The following CLHC1 variants were observed in gnomAD, a reference collection of about 807,000 sequenced individuals.
CLHC1 encodes clathrin heavy chain linker domain containing 1.
Under a neutral mutation model 69.5 loss-of-function variants are expected in CLHC1, and 72 were observed. The ratio of observed to expected loss-of-function variants is 1.04; its 90% CI spans 0.86 to 1.26. The LOEUF is 1.26. CLHC1 is among the 50% of genes most tolerant of loss of function. CLHC1 has a pLI of 0.00. For missense variants in CLHC1, 790 were observed against 679.3 expected, an observed-to-expected ratio of 1.16 and a Z score of -1.81; for synonymous variants, 223 against 224.3, an observed-to-expected ratio of 0.99 and a Z score of 0.05.
intron 1 of CLHC1, among the ~76,000 whole-genome samples, chr2:55,230,217 A>G (rs949300850): frequency 2.0e-5 from 3 of 152,252 alleles, no homozygotes; most frequent in Non-Finnish European, 2.9e-5. Flanking sequence ...GGTGCTAACA[A>G]TGGAGGTGGT....
At chr2:55,180,394 G>A (rs878870870) in intron 11 of CLHC1, 116 bp downstream of exon 11, 2 of 664,760 alleles carry the variant, frequency 3.0e-6, no homozygotes, top group South Asian at 2.0e-5. Flanking sequence ...CTACTTATTG[G>A]TATATATAAA....
intron 9 of CLHC1, among the ~76,000 whole-genome samples, chr2:55,196,586 C>T (rs1671439682): frequency 1.3e-5 from 2 of 152,220 alleles, no homozygotes; most frequent in Admixed American, 6.5e-5. Flanking sequence ...TAGACACACA[C>T]TTGTCAGAAG....
intron 4 of CLHC1, 103 bp downstream of exon 4, chr2:55,217,708 T>G: frequency 1.6e-6 from 1 of 629,790 alleles, no homozygotes; most frequent in Non-Finnish European, 2.5e-6. Flanking sequence ...TAAATAAAAT[T>G]GAAATTCAAT....
chr2:55,183,827 C>A (rs374450297), intron 9 of CLHC1, among the ~76,000 whole-genome samples: 61 of 152,312 alleles, frequency 4.0e-4, no homozygotes, highest in African/African-American at 1.4e-3. Context: ...CGTCGCCAGG[C>A]TGGAGTGCAA....
chr2:55,223,413 T>G (rs936259813), intron 2 of CLHC1, among the ~76,000 whole-genome samples: 1 of 152,134 alleles, frequency 6.6e-6, no homozygotes, highest in Non-Finnish European at 1.5e-5. Context: ...TAAAGAATCA[T>G]GGGCGGCGGC....
At chr2:55,231,206 C>A (rs1675307664) in intron 1 of CLHC1, among the ~76,000 whole-genome samples, 1 of 150,534 alleles carries the variant, frequency 6.6e-6, no homozygotes, top group Non-Finnish European at 1.5e-5. Context: ...GCCGAGACCG[C>A]GCCACTGCAC....
intron 12 of CLHC1, 140 bp from the exon 13 acceptor site, chr2:55,176,126 T>C (rs1669369474): frequency 1.5e-6 from 1 of 687,536 alleles, no homozygotes; most frequent in African/African-American, 1.8e-5. Context: ...ATTAATGATA[T>C]AACATGCAGT....
At chr2:55,207,889 T>C (rs1672600300) in intron 8 of CLHC1, among the ~76,000 whole-genome samples, 3 of 152,232 alleles carry the variant, frequency 2.0e-5, no homozygotes, top group Middle Eastern at 3.2e-3. Context: ...TCTGTATTTT[T>C]ATGTATACTT....
At chr2:55,226,235 T>C (rs968588873) in intron 2 of CLHC1, among the ~76,000 whole-genome samples, 1 of 148,766 alleles carries the variant, frequency 6.7e-6, no homozygotes, top group Non-Finnish European at 1.5e-5. Flanking sequence ...AAAAAAAAAA[T>C]TGTCCAACTG....
At chr2:55,225,561 C>G (rs1037708237) in intron 2 of CLHC1, 3 of 152,254 alleles carry the variant, frequency 2.0e-5, no homozygotes, top group African/African-American at 7.2e-5. Flanking sequence ...TCATCTCGGG[C>G]CCCTCCAATC....
Position 55,212,679 on chromosome 2 carries a change from T to A in CLHC1, c.493A>T (p.Ile165Phe). 1.9e-6 allele frequency: 3 copies of A among 1,595,898 alleles called. No individual in the cohort carries two copies. Among genetic ancestry groups the A allele is most frequent in the Non-Finnish European group, 2.6e-6 (3 of 1,164,482 alleles). The change falls in exon 5 of 13, where the codon ATT becomes TTT. Residue 165 changes from isoleucine (I) to phenylalanine (F), a missense_variant. By Grantham distance (21) the Ile-to-Phe change is conservative. Transcript: ENST00000401408. ...CTFSKDPSKP[I>F]PGMTLQESMN... ...TTTAAACAAAATACAATACCTGGAATAGGTTTTGAAGGATCTTTGGAGAAA... is the reference window on the plus strand; with the variant it reads ...TTTAAACAAAATACAATACCTGGAAAAGGTTTTGAAGGATCTTTGGAGAAA...
chr2:55,215,678 T>A (rs1218425482), intron 4 of CLHC1, among the ~76,000 whole-genome samples: 2 of 152,126 alleles, frequency 1.3e-5, no homozygotes, highest in Admixed American at 6.5e-5. Context: ...CAATAGACTA[T>A]ACCAGGTGGA....
intron 9 of CLHC1, among the ~76,000 whole-genome samples, chr2:55,205,956 A>G (rs1378384493): frequency 5.3e-5 from 8 of 152,134 alleles, no homozygotes; most frequent in East Asian, 1.9e-4. Context: ...TATTATGTCA[A>G]TTTACCACAA....
At chr2:55,223,456 C>T (rs996652327) in intron 2 of CLHC1, among the ~76,000 whole-genome samples, 2 of 152,214 alleles carry the variant, frequency 1.3e-5, no homozygotes, top group Admixed American at 6.5e-5. Context: ...TGTGGGCCGG[C>T]CCCGCGCAGC....
At chr2:55,191,826 G>T (rs909653631) in intron 9 of CLHC1, among the ~76,000 whole-genome samples, 1 of 151,878 alleles carries the variant, frequency 6.6e-6, no homozygotes, top group African/African-American at 2.4e-5. Flanking sequence ...TAAGAGAAAT[G>T]GAAACAAAAT....
upstream of CLHC1, chr2:55,232,531 C>T: frequency 1.9e-6 from 1 of 516,096 alleles, no homozygotes; most frequent in Non-Finnish European, 3.5e-6. Context: ...GAGAAATAAG[C>T]CCAGGCTAGG....
At chr2:55,218,676 GTTTA>G (rs1673817180) in intron 3 of CLHC1, 1 of 152,018 alleles carries the variant, frequency 6.6e-6, no homozygotes, top group East Asian at 1.9e-4. Context: ...TCCTTTACTG[GTTTA>G]TTTATTCATT....
At chr2:55,210,250 G>A (rs769571406) in intron 5 of CLHC1, among the ~76,000 whole-genome samples, 17 of 151,794 alleles carry the variant, frequency 1.1e-4, no homozygotes, top group Non-Finnish European at 2.2e-4. Flanking sequence ...AGGCTGGAGT[G>A]CAGTGGTGCA....
chr2:55,229,747 C>T (rs1371451172), intron 1 of CLHC1, among the ~76,000 whole-genome samples: 1 of 152,178 alleles, frequency 6.6e-6, no homozygotes, highest in Non-Finnish European at 1.5e-5. Flanking sequence ...GGCCTGTGTG[C>T]AGAAGAGTGG....
Sources: gnomAD v4.1 joint callset for allele counts (sites outside exome capture counted in the v4.1 genomes callset) on GRCh38, gnomAD v4.1.1 for gene constraint, MANE v1.5 for transcripts, NCBI Gene and HGNC (gene_info 2026-07-23, HGNC 2026-07-21) for gene names.